Variants in TNFRSF8 observed in about 807,000 individuals in gnomAD.
TNFRSF8 encodes tumor necrosis factor receptor superfamily member 8.
TNFRSF8 carries 26 observed loss-of-function variants against 70.8 expected under a neutral mutation model. The observed-to-expected ratio is 0.37, with a 90% CI of 0.27 to 0.51. The LOEUF (loss-of-function observed/expected upper bound fraction) is 0.51. Among genes scored for constraint, TNFRSF8 ranks in the 20% least tolerant of loss-of-function variants. TNFRSF8 has a pLI of 0.94. For missense variants in TNFRSF8, 720 were observed against 807.9 expected, an observed-to-expected ratio of 0.89 and a Z score of 1.32; for synonymous variants, 356 against 339.2, an observed-to-expected ratio of 1.05 and a Z score of -0.54.
At chr1:12,103,935 A>G (rs1171153251) in intron 3 of TNFRSF8, among the ~76,000 whole-genome samples, 1 of 152,224 alleles carries the variant, frequency 6.6e-6, no homozygotes, top group Non-Finnish European at 1.5e-5. Flanking sequence ...GGCTTTAGAC[A>G]AACGGATGAT....
At chr1:12,123,623 G>A in intron 9 of TNFRSF8, 92 bp from the exon 10 acceptor site, 1 of 1,182,988 alleles carries the variant, frequency 8.5e-7, no homozygotes, top group Non-Finnish European at 1.2e-6. Flanking sequence ...CCAGGCTCTG[G>A]TTGCGCAGTC....
At chr1:12,135,252 G>C (rs973608925) in intron 12 of TNFRSF8, among the ~76,000 whole-genome samples, 2 of 140,440 alleles carry the variant, frequency 1.4e-5, no homozygotes, top group African/African-American at 2.7e-5. Context: ...GGAGGCGGAG[G>C]TTACATTGAG....
chr1:12,119,004 A>G lies in TNFRSF8; in HGVS notation c.946+3275A>G, dbSNP rs1054203327. 1.3e-5 allele frequency among the ~76,000 whole-genome samples: 2 copies of G among 152,124 alleles called. No individual in the cohort carries two copies. The highest frequency in any genetic ancestry group is 2.9e-5 in the Non-Finnish European group (2 of 68,022). On this transcript the variant is annotated intron_variant, in intron 8 of 14. Coordinates refer to ENST00000263932, the MANE Select transcript of TNFRSF8 (RefSeq NM_001243.5). This position sits in a 1 kb window ranked among gnomAD's most constrained non-coding sequence, Gnocchi z 4.4. ...CTCAGCCTCCTGAGTAGCTGGGATT[A>G]CAGGCACGCGCCACCACGCCTGGCT...
chr1:12,087,755 A>C (rs1641180247), intron 2 of TNFRSF8, among the ~76,000 whole-genome samples: 1 of 152,206 alleles, frequency 6.6e-6, no homozygotes, highest in African/African-American at 2.4e-5. Context: ...CTCCAGCCTG[A>C]AAGGGCCTTG....
intron 12 of TNFRSF8, among the ~76,000 whole-genome samples, chr1:12,131,265 C>T (rs969862594): frequency 2.0e-5 from 3 of 152,130 alleles, no homozygotes; most frequent in Non-Finnish European, 4.4e-5. Flanking sequence ...GCCTGGCCAA[C>T]AAGACAAAAC....
At chr1:12,076,225 C>T (rs1382622687) in intron 1 of TNFRSF8, among the ~76,000 whole-genome samples, 2 of 151,638 alleles carry the variant, frequency 1.3e-5, no homozygotes, top group South Asian at 2.1e-4. Context: ...CTCAGCCTCC[C>T]GAGTAGCTGG....
At chr1:12,101,917 C>G (rs578009529) in intron 3 of TNFRSF8, among the ~76,000 whole-genome samples, 2 of 152,206 alleles carry the variant, frequency 1.3e-5, no homozygotes, top group Admixed American at 6.5e-5. Flanking sequence ...TCAGGTTATC[C>G]GCCCTCCTCG....
At chr1:12,125,821 T>C in intron 10 of TNFRSF8, 130 bp from the exon 11 acceptor site, 1 of 783,014 alleles carries the variant, frequency 1.3e-6, no homozygotes, top group Non-Finnish European at 2.3e-6. Flanking sequence ...GAGCCTTGGC[T>C]TGGAAAGGAC....
intron 8 of TNFRSF8, among the ~76,000 whole-genome samples, chr1:12,118,350 A>G (rs1283883157): frequency 1.3e-5 from 2 of 152,120 alleles, no homozygotes; most frequent in East Asian, 1.9e-4. Context: ...ACCCCAGGTG[A>G]TCTGCCTGCC....
chr1:12,083,956 G>A (rs1312266127), intron 1 of TNFRSF8, among the ~76,000 whole-genome samples: 3 of 152,186 alleles, frequency 2.0e-5, no homozygotes, highest in Non-Finnish European at 4.4e-5. Context: ...TGACGGAGGA[G>A]CTGGGGCTGG....
chr1:12,114,227 G>A lies in TNFRSF8; in HGVS notation c.794-1350G>A, dbSNP rs897958671. On this transcript the variant is annotated intron_variant, in intron 7 of 14. Coordinates refer to ENST00000263932, the MANE Select transcript of TNFRSF8 (RefSeq NM_001243.5). ...CTCAGTTTCCTCTGCTGCAAAATGG[G>A]CATAGTATTATCTATCTCAGAGAAC... Among the ~76,000 whole-genome samples the A allele has an allele frequency of 2.0e-5, 3 of 152,214 alleles. No homozygotes were observed. In the East Asian group the frequency reaches 5.8e-4, roughly 29 times the overall value.
chr1:12,124,455 C>T (rs1372078384), intron 10 of TNFRSF8, among the ~76,000 whole-genome samples: 1 of 152,220 alleles, frequency 6.6e-6, no homozygotes, highest in African/African-American at 2.4e-5. Flanking sequence ...CCTCAGTTGT[C>T]TCATCTATAC....
chr1:12,106,018 C>T (rs1641517841), intron 4 of TNFRSF8, among the ~76,000 whole-genome samples: 1 of 151,966 alleles, frequency 6.6e-6, no homozygotes, highest in Non-Finnish European at 1.5e-5. Context: ...GTTGACCTGC[C>T]TTCTTCTCTT....
intron 4 of TNFRSF8, among the ~76,000 whole-genome samples, chr1:12,105,037 A>T (rs1286274917): frequency 2.0e-5 from 3 of 152,160 alleles, no homozygotes; most frequent in African/African-American, 7.2e-5. Flanking sequence ...TGATAGTACA[A>T]GGTGTCAGGG....
intron 2 of TNFRSF8, among the ~76,000 whole-genome samples, chr1:12,090,485 C>T (rs1449506105): frequency 2.0e-5 from 3 of 151,396 alleles, no homozygotes; most frequent in Non-Finnish European, 4.4e-5. Context: ...TCCACGTACC[C>T]ACTCATCCAT....
chr1:12,080,031 C>T (rs1376098430), intron 1 of TNFRSF8, among the ~76,000 whole-genome samples: 2 of 150,902 alleles, frequency 1.3e-5, no homozygotes, highest in Non-Finnish European at 2.9e-5. Flanking sequence ...TCACTGCAAC[C>T]TCCGCCTCCT....
At chr1:12,080,663 T>G in intron 1 of TNFRSF8, 1 of 247,068 alleles carries the variant, frequency 4.0e-6, no homozygotes, top group Non-Finnish European at 8.1e-6. Flanking sequence ...ATTCAAGCGA[T>G]TCTCATGCCT....
intron 6 of TNFRSF8, 73 bp from the exon 7 acceptor site, chr1:12,111,822 GGGC>G (rs1199169318): frequency 4.9e-6 from 6 of 1,212,996 alleles, no homozygotes; most frequent in Non-Finnish European, 7.4e-6. Flanking sequence ...GAGGGATGGG[GGGC>G]TTCAGGGTTG....
chr1:12,097,799 T>C (rs1167304937), intron 3 of TNFRSF8, among the ~76,000 whole-genome samples: 1 of 152,196 alleles, frequency 6.6e-6, no homozygotes, highest in East Asian at 1.9e-4. Flanking sequence ...GTCTAATAAA[T>C]AATAAATGAT....
Sources: gnomAD v4.1 joint callset for allele counts (sites outside exome capture counted in the v4.1 genomes callset) on GRCh38, gnomAD v4.1.1 for gene constraint, Gnocchi (gnomAD v3.1) non-coding constraint, MANE v1.5 for transcripts, NCBI Gene and HGNC (gene_info 2026-07-23, HGNC 2026-07-21) for gene names.